The following CPA3 variants were observed in gnomAD, a reference collection of about 807,000 sequenced individuals.
The protein encoded by CPA3 is mast cell carboxypeptidase A.
Under a neutral mutation model 55.8 loss-of-function variants are expected in CPA3, and 52 were observed. That is an observed-to-expected ratio of 0.93 (90% CI 0.75 to 1.17). The LOEUF (loss-of-function observed/expected upper bound fraction) is 1.17, where lower values mean the gene tolerates loss of function less well. Among genes scored for constraint, CPA3 ranks in the 50% most tolerant of loss-of-function variants. The pLI is 0.00. For synonymous variants in CPA3, 179 were observed against 171.2 expected, an observed-to-expected ratio of 1.05 and a Z score of -0.36; for missense variants, 547 against 509.1, an observed-to-expected ratio of 1.07 and a Z score of -0.72.
At chr3:148,876,173 T>C (rs1714196569) in intron 3 of CPA3, among the ~76,000 whole-genome samples, 1 of 148,206 alleles carries the variant, frequency 6.7e-6, no homozygotes, top group Non-Finnish European at 1.5e-5. Flanking sequence ...ACCAAAAATG[T>C]AGTGAGAAAA....
chr3:148,877,043 CATATGGAT>C (rs1384606098), intron 3 of CPA3, among the ~76,000 whole-genome samples: 1 of 152,168 alleles, frequency 6.6e-6, no homozygotes, highest in Non-Finnish European at 1.5e-5. Context: ...CTGTATTACA[CATATGGAT>C]ATCTGAATCC....
chr3:148,891,513 TACACACAC>T, intron 10 of CPA3, among the ~76,000 whole-genome samples: 2 of 120,484 alleles, frequency 1.7e-5, no homozygotes, highest in South Asian at 5.6e-4. Flanking sequence ...CACACACACA[TACACACAC>T]ACACACACAC....
intron 3 of CPA3, among the ~76,000 whole-genome samples, chr3:148,870,930 G>A (rs1170022157): frequency 1.3e-5 from 2 of 152,034 alleles, no homozygotes; most frequent in Non-Finnish European, 2.9e-5. Context: ...ATGAAGTCTC[G>A]CTCTGTCACC....
chr3:148,877,275 C>T (rs1714234089), intron 3 of CPA3, among the ~76,000 whole-genome samples: 2 of 152,214 alleles, frequency 1.3e-5, no homozygotes, highest in Non-Finnish European at 2.9e-5. Context: ...GTGGGCAGAT[C>T]ACCTGAGGTC....
intron 8 of CPA3, among the ~76,000 whole-genome samples, chr3:148,882,972 A>G (rs1288768971): frequency 1.3e-5 from 2 of 152,224 alleles, no homozygotes; most frequent in East Asian, 3.8e-4. Context: ...TAGTGAAAAG[A>G]GTCATCTGGA....
intron 2 of CPA3, among the ~76,000 whole-genome samples, chr3:148,866,822 G>A (rs1329102744): frequency 6.6e-6 from 1 of 152,120 alleles, no homozygotes; most frequent in Non-Finnish European, 1.5e-5. Flanking sequence ...GGAGTGCAGT[G>A]GCACAATCTC....
rs575553575 is a variant in CPA3 at position 148,877,744 on chromosome 3, T to C, written c.270-697T>C. ...AGATTAAATGAATTAATAATGTACATATGGAGGTCAGAGCGATGCCTGGCA... is the reference window on the plus strand; with the variant it reads ...AGATTAAATGAATTAATAATGTACACATGGAGGTCAGAGCGATGCCTGGCA... On this transcript the variant is annotated intron_variant, in intron 3 of 10. Transcript: ENST00000296046. 9.8e-5 allele frequency among the ~76,000 whole-genome samples: 15 copies of C among 152,316 alleles called. No individual in the cohort carries two copies. The South Asian group carries it at 2.5e-3, about 25-fold the overall frequency.
At chr3:148,884,641 A>G (rs1359489761) in intron 9 of CPA3, among the ~76,000 whole-genome samples, 1 of 152,228 alleles carries the variant, frequency 6.6e-6, no homozygotes, top group Admixed American at 6.5e-5. Context: ...TTAGCACAAC[A>G]GCATTTAATG....
chr3:148,891,532 A>C (rs1187125183), intron 10 of CPA3, among the ~76,000 whole-genome samples: 3 of 151,128 alleles, frequency 2.0e-5, no homozygotes, highest in African/African-American at 7.3e-5. Flanking sequence ...ACACACACAC[A>C]AATTCTATAT....
chr3:148,880,537 G>A (rs112962236), intron 6 of CPA3, among the ~76,000 whole-genome samples: 8,690 of 151,934 alleles, frequency 0.057, 853 homozygotes, highest in African/African-American at 0.2. Context: ...TTGCCATGTT[G>A]GCCAGGCTGT....
At chr3:148,886,206 C>G in intron 10 of CPA3, 29 bp downstream of exon 10, 1 of 1,452,882 alleles carries the variant, frequency 6.9e-7, no homozygotes, top group South Asian at 1.2e-5. Flanking sequence ...TTACTGAGCC[C>G]TTTTCCCTAA....
chr3:148,889,422 G>A (rs1714611942), intron 10 of CPA3, among the ~76,000 whole-genome samples: 1 of 152,052 alleles, frequency 6.6e-6, no homozygotes, highest in South Asian at 2.1e-4. Flanking sequence ...AACTTATGGA[G>A]GATCTCTGGC....
chr3:148,883,279 C>T (rs904459212), intron 8 of CPA3, among the ~76,000 whole-genome samples: 2 of 152,154 alleles, frequency 1.3e-5, no homozygotes, highest in South Asian at 4.1e-4. Flanking sequence ...TTCACACCAG[C>T]CCCCAGCGCA....
chr3:148,873,910 C>A (rs1218037103), intron 3 of CPA3, among the ~76,000 whole-genome samples: 2 of 152,172 alleles, frequency 1.3e-5, no homozygotes, highest in East Asian at 1.9e-4. Flanking sequence ...ATTCAATACT[C>A]AGTGATAATT....
chr3:148,875,405 C>T (rs928628424), intron 3 of CPA3, among the ~76,000 whole-genome samples: 18 of 152,096 alleles, frequency 1.2e-4, no homozygotes, highest in Admixed American at 2.0e-4. Flanking sequence ...TCCATTATAA[C>T]GATAATTTTC....
At chr3:148,877,432 T>G (rs1714239726) in intron 3 of CPA3, among the ~76,000 whole-genome samples, 4 of 149,976 alleles carry the variant, frequency 2.7e-5, no homozygotes. Context: ...AGGTGGAGGT[T>G]GTGGTGAGCC....
chr3:148,892,338 T>C (rs1714693611), intron 10 of CPA3, among the ~76,000 whole-genome samples: 1 of 152,024 alleles, frequency 6.6e-6, no homozygotes, highest in South Asian at 2.1e-4. Context: ...CAGACCAAAA[T>C]AGCAATGCAA....
At chr3:148,882,679 T>C in intron 8 of CPA3, 84 bp downstream of exon 8, 2 of 1,018,892 alleles carry the variant, frequency 2.0e-6, no homozygotes, top group Non-Finnish European at 3.0e-6. Flanking sequence ...ACTTGTTCAG[T>C]AAAAATAGTT....
chr3:148,871,829 T>G (rs1482803282), intron 3 of CPA3, among the ~76,000 whole-genome samples: 1 of 152,208 alleles, frequency 6.6e-6, no homozygotes, highest in South Asian at 2.1e-4. Context: ...AAGTGATAAG[T>G]GCAGACAAGA....
Sources: allele counts gnomAD v4.1 joint callset (sites outside exome capture counted in the v4.1 genomes callset), GRCh38; gene constraint gnomAD v4.1.1; transcripts MANE v1.5; gene names NCBI Gene and HGNC (gene_info 2026-07-23, HGNC 2026-07-21).